The following UBA6 variants were observed in gnomAD, a reference collection of about 807,000 sequenced individuals.
UBA6 encodes the protein ubiquitin like modifier activating enzyme 6, also known as ubiquitin-like modifier-activating enzyme 6.
A neutral mutation model predicts 148.3 loss-of-function variants in UBA6; 87 were observed. That is an observed-to-expected ratio of 0.59 (90% CI 0.49 to 0.70). The LOEUF (loss-of-function observed/expected upper bound fraction) is 0.70. UBA6 is among the 30% of genes least tolerant of loss of function. The pLI, the probability that UBA6 is intolerant of heterozygous loss-of-function variation, is 0.00. For missense variants in UBA6, 1,186 were observed against 1,241.2 expected, an observed-to-expected ratio of 0.96 and a Z score of 0.67; for synonymous variants, 376 against 401.0, an observed-to-expected ratio of 0.94 and a Z score of 0.75.
chr4:67,672,919 T>A (rs1730185030), intron 7 of UBA6, among the ~76,000 whole-genome samples: 1 of 152,210 alleles, frequency 6.6e-6, no homozygotes, highest in South Asian at 2.1e-4. Flanking sequence ...TATCATTCTC[T>A]ATTTTTCTTT....
At chr4:67,672,248 G>A (rs1290885319) in intron 7 of UBA6, among the ~76,000 whole-genome samples, 11 of 152,116 alleles carry the variant, frequency 7.2e-5, no homozygotes, top group Non-Finnish European at 1.6e-4. Flanking sequence ...TATTTACTGT[G>A]TTAGAAATTA....
chr4:67,633,459 T>C lies in UBA6; in HGVS notation c.2028A>G (p.Gly676=), dbSNP rs778043686. The change falls in exon 23 of 33, where the codon GGA becomes GGG. Residue 676 remains glycine (G), a synonymous_variant. Coordinates refer to ENST00000322244, the MANE Select transcript of UBA6 (RefSeq NM_018227.6). ...CTTGAAAACAGCCTTCTAAACTGTGTCCACTCTGTATCTTCTAGAATGGGA... is the reference window on the plus strand; with the variant it reads ...CTTGAAAACAGCCTTCTAAACTGTGCCCACTCTGTATCTTCTAGAATGGGA... ...AEEVLQKIQS[G]HSLEGCFQVI... 4.4e-6 allele frequency: 7 copies of C among 1,602,070 alleles called. No homozygotes were observed. Among genetic ancestry groups the C allele is most frequent in the East Asian group, 4.5e-5 (2 of 44,604 alleles).
At chr4:67,686,692 C>T (rs1730572601) in intron 2 of UBA6, among the ~76,000 whole-genome samples, 1 of 151,888 alleles carries the variant, frequency 6.6e-6, no homozygotes, top group Admixed American at 6.6e-5. Context: ...TGGCTCACAC[C>T]TGTAATCCCA....
chr4:67,626,453 T>G lies in UBA6; in HGVS notation c.2425A>C (p.Arg809=). The part of the protein sequence containing the change: ...NKVVQTDETA[R]KPDHVPISSE... ...CTAATAGGAACATGGTCTGGTTTCC[T>G]TGCAGTTTCATCTGTTTGAACAACC... Residue 809 remains arginine (R), a synonymous_variant, in exon 28 of 33, where the codon AGG becomes CGG. Transcript: ENST00000322244. The G allele has an allele frequency of 6.2e-7, 1 of 1,610,274 alleles. No individual in the cohort carries two copies. The highest frequency in any genetic ancestry group is 1.1e-5 in the South Asian group (1 of 90,598).
chr4:67,699,392 C>G (rs984365639), intron 1 of UBA6, among the ~76,000 whole-genome samples: 1 of 152,128 alleles, frequency 6.6e-6, no homozygotes, highest in African/African-American at 2.4e-5. Context: ...AAAATGTTAT[C>G]ATTTATCTCA....
chr4:67,616,034 T>G lies in UBA6; in HGVS notation c.*2963A>C. On this transcript the variant is annotated 3_prime_UTR_variant, in exon 33 of 33. Transcript: ENST00000322244. ...CTGCATATTTATATTTTATGTATTT[T>G]TGAATATATATGTGTTTTTGAAAAA... The G allele has an allele frequency of 2.6e-6, 1 of 387,446 alleles. No homozygotes were observed. Among genetic ancestry groups the G allele is most frequent in the Non-Finnish European group, 4.6e-6 (1 of 218,630 alleles). 24.0% of individuals were successfully genotyped at this position (387,446 alleles called of 1,614,324 possible).
intron 14 of UBA6, among the ~76,000 whole-genome samples, chr4:67,648,551 C>G (rs1305510965): frequency 6.6e-6 from 1 of 151,762 alleles, no homozygotes; most frequent in African/African-American, 2.4e-5. Context: ...GGCCTGGAGG[C>G]AGTATCCTTT....
intron 29 of UBA6, among the ~76,000 whole-genome samples, chr4:67,624,483 T>C (rs1009755065): frequency 4.6e-5 from 7 of 152,100 alleles, no homozygotes; most frequent in Admixed American, 1.3e-4. Context: ...TAAAAAAATA[T>C]TAATTCAACC....
rs1467382973 is a variant in UBA6 at position 67,617,324 on chromosome 4, C to A, written c.*1673G>T. 1 of 152,110 alleles carries A rather than the reference C, an allele frequency of 6.6e-6. No homozygotes were observed. Among genetic ancestry groups the A allele is most frequent in the African/African-American group, 2.4e-5 (1 of 41,438 alleles). The allele number at this position is 152,110 out of a possible 1,614,324, so 9.4% of individuals were successfully genotyped here. On this transcript the variant is annotated 3_prime_UTR_variant, in exon 33 of 33. Coordinates refer to ENST00000322244, the MANE Select transcript of UBA6 (RefSeq NM_018227.6). The stretch of plus-strand genomic sequence containing the variant: ...TTATTAGTCCTATCCTCTAAAATTC[C>A]AAGCCACAGAGCCTTGATATTCCTG...
Position 67,670,477 on chromosome 4 carries a change from A to G in UBA6, c.662T>C (p.Ile221Thr). ...TCATTAATATAATCATACTTGCGTT[A>G]TGTTTGAAATGAAAATTTCTTTTGG... ...EEPKEIFISN[I>T]TQANPGIVTC... The change falls in exon 8 of 33, where the codon ATA (isoleucine) becomes ACA (threonine). Residue 221 changes from isoleucine to threonine, a missense_variant. Transcript: ENST00000322244. 1 of 1,569,266 alleles carries G rather than the reference A, an allele frequency of 6.4e-7. No homozygotes were observed. The highest frequency in any genetic ancestry group is 8.8e-7 in the Non-Finnish European group (1 of 1,142,218).
intron 7 of UBA6, among the ~76,000 whole-genome samples, chr4:67,671,331 T>C (rs1306232995): frequency 6.6e-6 from 1 of 152,038 alleles, no homozygotes; most frequent in Non-Finnish European, 1.5e-5. Flanking sequence ...TAAGAACATA[T>C]TAAAATAATT....
intron 17 of UBA6, among the ~76,000 whole-genome samples, chr4:67,643,033 T>C (rs1729342830): frequency 6.6e-6 from 1 of 151,914 alleles, no homozygotes; most frequent in African/African-American, 2.4e-5. Context: ...ATGTAAAAAT[T>C]TCAGTGCCTT....
intron 17 of UBA6, among the ~76,000 whole-genome samples, chr4:67,642,623 TAG>T (rs747483892): frequency 1.3e-5 from 2 of 152,102 alleles, no homozygotes; most frequent in East Asian, 1.9e-4. Context: ...GAACTGAGTA[TAG>T]GTTAATAGTA....
At chr4:67,694,925 C>T (rs75821097) in intron 2 of UBA6, among the ~76,000 whole-genome samples, 2,002 of 152,232 alleles carry the variant, frequency 0.013, 44 homozygotes, top group African/African-American at 0.046. Flanking sequence ...AGATACTCTC[C>T]GTCAAACAAA....
intron 26 of UBA6, among the ~76,000 whole-genome samples, chr4:67,629,529 A>G (rs1294739202): frequency 2.0e-5 from 3 of 151,972 alleles, no homozygotes; most frequent in Non-Finnish European, 4.4e-5. Context: ...GTTATACTCA[A>G]TAAGTAAAAT....
At chr4:67,683,572 AT>A (rs59333307) in intron 2 of UBA6, among the ~76,000 whole-genome samples, 17,341 of 144,826 alleles carry the variant, frequency 0.12, 1,158 homozygotes, top group South Asian at 0.22. Flanking sequence ...TTTTTTTGCA[AT>A]TTTTTTTTTT....
intron 13 of UBA6, among the ~76,000 whole-genome samples, chr4:67,657,845 A>G (rs1164321967): frequency 9.2e-5 from 13 of 141,556 alleles, no homozygotes; most frequent in Admixed American, 7.1e-4. Context: ...AAAAAAAAAG[A>G]AAACAAAAAA....
chr4:67,661,645 A>C (rs1386451926), intron 13 of UBA6: 1 of 152,754 alleles, frequency 6.5e-6, no homozygotes, highest in Non-Finnish European at 1.5e-5. Flanking sequence ...GAACAAAAAT[A>C]ATAGAATCTT....
At chr4:67,629,207 C>G (rs113826239) in intron 26 of UBA6, 65 bp from the exon 27 acceptor site, 24 of 1,027,686 alleles carry the variant, frequency 2.3e-5, no homozygotes, top group African/African-American at 1.3e-4. Flanking sequence ...TAAAAATATC[C>G]TACAAAAGGT....
Sources: gnomAD v4.1 joint callset for allele counts (sites outside exome capture counted in the v4.1 genomes callset) on GRCh38, gnomAD v4.1.1 for gene constraint, MANE v1.5 for transcripts, NCBI Gene and HGNC (gene_info 2026-07-23, HGNC 2026-07-21) for gene names.